PNLDC1: variants seen among roughly 807,000 people sequenced by gnomAD.
PNLDC1 encodes PARN like ribonuclease domain containing exonuclease 1.
Under a neutral mutation model 82.0 loss-of-function variants are expected in PNLDC1, and 70 were observed. The observed-to-expected ratio is 0.85, with a 90% CI of 0.70 to 1.04. PNLDC1 has a LOEUF of 1.04. Ranked by LOEUF, PNLDC1 falls within the 50% of genes least tolerant of loss-of-function variation. The probability of loss-of-function intolerance (pLI) is 0.00; values close to 1 mark genes in which losing one functional copy is unlikely to be tolerated. For missense variants in PNLDC1, 631 were observed against 661.1 expected (o/e 0.95, Z 0.50); for synonymous variants, 280 against 249.3 (o/e 1.12, Z -1.16).
intron 2 of PNLDC1, 135 bp downstream of exon 2, chr6:159,800,964 TTTC>T: frequency 1.1e-6 from 1 of 949,452 alleles, no homozygotes; most frequent in Non-Finnish European, 1.6e-6. Flanking sequence ...ACCTTGCTTT[TTTC>T]TGTCCACTAA....
intron 8 of PNLDC1, 41 bp from the exon 9 acceptor site, chr6:159,808,974 C>G (rs757892455): frequency 1.2e-5 from 19 of 1,605,584 alleles, no homozygotes; most frequent in South Asian, 8.9e-5. Context: ...GGCCTCATTC[C>G]TAGTAACCCA....
chr6:159,819,276 T>G lies in PNLDC1; in HGVS notation c.1456T>G (p.Tyr486Asp), dbSNP rs1373588923. Reference sequence around the variant, plus strand: ...CAGTGCGCGGAACATCCTGAAGGAGTACCGGGACCACCCGACCCTGTGCAT... The same window carrying G: ...CAGTGCGCGGAACATCCTGAAGGAGGACCGGGACCACCCGACCCTGTGCAT... ...FKDARNILKEYRDHPTLCISL... is the reference protein window; with the variant it reads ...FKDARNILKEDRDHPTLCISL... Residue 486 changes from tyrosine to aspartate, a missense_variant, in exon 18 of 19, where the codon TAC becomes GAC. Physicochemically the swap from Tyr to Asp is radical, Grantham distance 160 (BLOSUM62 -3). Transcript: ENST00000392167. The surrounding 1 kb of genome is among the most constrained non-coding windows in gnomAD (Gnocchi z 4.6). 1 of 1,613,706 alleles carries G rather than the reference T, an allele frequency of 6.2e-7. No individual in the cohort carries two copies. Among genetic ancestry groups the G allele is most frequent in the Admixed American group, 1.7e-5 (1 of 59,990 alleles).
At position 159,818,531 on chromosome 6, in the gene PNLDC1, C is replaced by T. The variant is rs377243312; in HGVS notation, c.1158-24C>T. The T allele has an allele frequency of 1.3e-5, 21 of 1,604,690 alleles. No homozygotes were observed. In the African/African-American group the frequency reaches 1.6e-4, roughly 12 times the overall value. On this transcript the variant is annotated intron_variant, in intron 15 of 18. Coordinates refer to ENST00000392167, the MANE Select transcript of PNLDC1 (RefSeq NM_001271862.2). ...GGATGAACTTCTGTGCGCCCGACAG[C>T]TTTGGGGTTTTCTGTCCTTGCAGCA...
At chr6:159,812,999 G>A (rs1781692884) in intron 11 of PNLDC1, among the ~76,000 whole-genome samples, 1 of 151,724 alleles carries the variant, frequency 6.6e-6, no homozygotes, top group Admixed American at 6.6e-5. Flanking sequence ...ATTCCAGCCT[G>A]GGCAACAGAG....
At position 159,816,545 on chromosome 6, in the gene PNLDC1, G is replaced by C. The variant is rs1781837017; in HGVS notation, c.1063G>C (p.Glu355Gln). ...VHASRCEKYV[E>Q]TKCPHEAAYD... Reference sequence around the variant, plus strand: ...CCTCCTGGTGGAAAATGCCTCAGTTGAGACAAAGTGCCCCCACGAAGCCGC... The same window carrying C: ...CCTCCTGGTGGAAAATGCCTCAGTTCAGACAAAGTGCCCCCACGAAGCCGC... The change falls in exon 14 of 19, where the codon GAG (glutamate) becomes CAG (glutamine). Residue 355 changes from glutamate (E) to glutamine (Q), a missense_variant and splice_region_variant. Glu to Gln is a conservative substitution (Grantham distance 29). Transcript: ENST00000392167. 6.2e-7 allele frequency: 1 copy of C among 1,613,516 alleles called. No individual in the cohort carries two copies. The highest frequency in any genetic ancestry group is 1.3e-5 in the African/African-American group (1 of 74,840).
Position 159,810,098 on chromosome 6 carries a change from A to G in PNLDC1, c.853+3A>G. ...GAAGTTCTTCAGACCCCTCCCAGGT[A>G]GGGGCAAACCTGTCATTTCTCTTCC... is the stretch of plus-strand genomic sequence containing the variant. On this transcript the variant is annotated splice_donor_region_variant and intron_variant, in intron 10 of 18. Coordinates refer to ENST00000392167, the MANE Select transcript of PNLDC1 (RefSeq NM_001271862.2). The G allele has an allele frequency of 6.2e-7, 1 of 1,612,762 alleles. No homozygotes were observed. The highest frequency in any genetic ancestry group is 8.5e-7 in the Non-Finnish European group (1 of 1,178,752).
rs1781376158 is a variant in PNLDC1 at position 159,804,480 on chromosome 6, G to A, written c.373-69G>A. On this transcript the variant is annotated intron_variant, in intron 5 of 18. Coordinates refer to ENST00000392167, the MANE Select transcript of PNLDC1 (RefSeq NM_001271862.2). The stretch of plus-strand genomic sequence containing the variant: ...CTTTCCCCTTTCTACCTGTCCTCGT[G>A]AAATCAGGCACAGAGGATCCCTCTG... 4 of 1,077,462 alleles carry A rather than the reference G, an allele frequency of 3.7e-6. No individual in the cohort carries two copies. In the South Asian group the frequency reaches 5.4e-5, roughly 15 times the overall value. 66.7% of individuals were successfully genotyped at this position (1,077,462 alleles called of 1,614,324 possible). A position where few individuals can be genotyped will look rare whatever the true frequency, so the allele number is the denominator to read the frequency against.
chr6:159,810,193 C>A, intron 10 of PNLDC1, 98 bp downstream of exon 10: 3 of 1,041,118 alleles, frequency 2.9e-6, no homozygotes, highest in Non-Finnish European at 4.4e-6. Flanking sequence ...TCCTAAAATG[C>A]CCATTCCTCC....
chr6:159,808,946 T>C, intron 8 of PNLDC1, 69 bp from the exon 9 acceptor site: 6 of 1,594,064 alleles, frequency 3.8e-6, no homozygotes, highest in Non-Finnish European at 4.3e-6. Context: ...TGTTTAGAGA[T>C]GCAGAGCCAT....
intron 3 of PNLDC1, among the ~76,000 whole-genome samples, chr6:159,802,666 C>T (rs1013131264): frequency 6.6e-6 from 1 of 152,124 alleles, no homozygotes; most frequent in Non-Finnish European, 1.5e-5. Flanking sequence ...CTGCAACACC[C>T]TTGCCTCCCA....
intron 14 of PNLDC1, among the ~76,000 whole-genome samples, 173 bp from the exon 15 acceptor site, chr6:159,816,936 A>T (rs1781855130): frequency 6.6e-6 from 1 of 152,212 alleles, no homozygotes; most frequent in Admixed American, 6.5e-5. Flanking sequence ...AGGTGCTGGG[A>T]TTACAGGCAT....
intron 3 of PNLDC1, among the ~76,000 whole-genome samples, chr6:159,802,526 C>T (rs1781298893): frequency 6.6e-6 from 1 of 151,750 alleles, no homozygotes; most frequent in Non-Finnish European, 1.5e-5. Flanking sequence ...AATTATAAGA[C>T]CTCTTTGAGA....
chr6:159,808,607 G>A (rs1781535396), intron 7 of PNLDC1, 133 bp from the exon 8 acceptor site: 5 of 755,492 alleles, frequency 6.6e-6, no homozygotes, highest in Admixed American at 2.4e-5. Context: ...CATGGCTCAT[G>A]GGCTTGGGCA....
chr6:159,806,404 C>A (rs1781447806), intron 7 of PNLDC1, among the ~76,000 whole-genome samples: 1 of 152,214 alleles, frequency 6.6e-6, no homozygotes, highest in Admixed American at 6.5e-5. Flanking sequence ...TTTCCCCCAG[C>A]ATGTGGTGTG....
In PNLDC1 at chr6:159,800,289, T is replaced by G; in HGVS notation, c.-19T>G. 6.5e-7 allele frequency: 1 copy of G among 1,541,182 alleles called. No homozygotes were observed. Among genetic ancestry groups the G allele is most frequent in the East Asian group, 2.5e-5 (1 of 40,614 alleles). On this transcript the variant is annotated 5_prime_UTR_variant, in exon 1 of 19. Coordinates refer to ENST00000392167, the MANE Select transcript of PNLDC1 (RefSeq NM_001271862.2). ...GCAGCACGTGATAGCGCTGGGCGAC[T>G]CCGCGGAGCTGCACGGCCATGGACG... is the stretch of plus-strand genomic sequence containing the variant.
chr6:159,800,208 A>G, upstream of PNLDC1: 1 of 1,192,628 alleles, frequency 8.4e-7, no homozygotes, highest in Non-Finnish European at 1.2e-6. Flanking sequence ...CCTGGTTTCC[A>G]TGTGTGCGCC....
rs370813825 is a variant in PNLDC1, at chr6:159,818,701, G to T, written c.1257+47G>T. The T allele has an allele frequency of 3.8e-6, 6 of 1,560,976 alleles. No homozygotes were observed. The African/African-American group carries it at 6.8e-5, about 18-fold the overall frequency. ...CCCTCGCCCCATTCAGAGTTCAGAGGCTTTGCTGGGAAGCGGCCAGTGCTC... is the reference window on the plus strand; with the variant it reads ...CCCTCGCCCCATTCAGAGTTCAGAGTCTTTGCTGGGAAGCGGCCAGTGCTC... On this transcript the variant is annotated intron_variant, in intron 16 of 18. Transcript: ENST00000392167.
chr6:159,804,356 G>A (rs537241226), intron 5 of PNLDC1, among the ~76,000 whole-genome samples, 193 bp from the exon 6 acceptor site: 8 of 152,234 alleles, frequency 5.3e-5, no homozygotes, highest in Admixed American at 4.6e-4. Context: ...CACCTGCCTC[G>A]GCCTCCCAAA....
rs978489494 is a variant in PNLDC1 at position 159,809,924 on chromosome 6, G to A, written c.784-102G>A. 1.9e-5 allele frequency: 18 copies of A among 944,662 alleles called. No individual in the cohort carries two copies. The African/African-American group carries it at 2.3e-4, about 12-fold the overall frequency. 58.5% of individuals were successfully genotyped at this position (944,662 alleles called of 1,614,324 possible). A position where few individuals can be genotyped will look rare whatever the true frequency, so the allele number is the denominator to read the frequency against. On this transcript the variant is annotated intron_variant, in intron 9 of 18. Coordinates refer to ENST00000392167, the MANE Select transcript of PNLDC1 (RefSeq NM_001271862.2). Reference sequence around the variant, plus strand: ...ATGGAACTGTCAAGTGATCAGAATTGCAGTGGGTTCTAACACTATATCTTT... The same window carrying A: ...ATGGAACTGTCAAGTGATCAGAATTACAGTGGGTTCTAACACTATATCTTT...
Sources: allele counts gnomAD v4.1 joint callset (sites outside exome capture counted in the v4.1 genomes callset), GRCh38; gene constraint gnomAD v4.1.1; non-coding constraint Gnocchi (gnomAD v3.1); transcripts MANE v1.5; gene names NCBI Gene and HGNC (gene_info 2026-07-23, HGNC 2026-07-21).